Variants in PRKG1 observed in about 807,000 individuals in gnomAD.
PRKG1 encodes cGMP-dependent protein kinase 1.
Under a neutral mutation model 88.1 loss-of-function variants are expected in PRKG1, and 35 were observed. That is an observed-to-expected ratio of 0.40 (90% confidence interval 0.30 to 0.53). The LOEUF is 0.53. Ranked by LOEUF, PRKG1 falls within the 20% of genes least tolerant of loss-of-function variation. The pLI is 0.59. For synonymous variants in PRKG1, 303 were observed against 292.5 expected (o/e 1.04, Z -0.37); for missense variants, 540 against 839.8 (o/e 0.64, Z 4.41).
At position 52,029,381 on chromosome 10, in the gene PRKG1, A is replaced by G. The variant is rs139481090; in HGVS notation, c.763-25103A>G. Among the ~76,000 whole-genome samples, 539 of 152,238 alleles carry G rather than the reference A, an allele frequency of 3.5e-3. 2 individuals carry two copies. Among genetic ancestry groups the G allele is most frequent in the African/African-American group, 0.012 (519 of 41,556 alleles). ...ACATGAAAGTGCTATTAGAGAGGAC[A>G]AATCTCTCCACCAAGCTCACAGTAA... On this transcript the variant is annotated intron_variant, in intron 5 of 17. Coordinates refer to ENST00000373980, the MANE Select transcript of PRKG1 (RefSeq NM_006258.4).
chr10:52,093,047 A>G (rs944346212), intron 7 of PRKG1, among the ~76,000 whole-genome samples: 1 of 152,182 alleles, frequency 6.6e-6, no homozygotes, highest in African/African-American at 2.4e-5. Context: ...TCTTTTCAGT[A>G]AAATGGGATG....
intron 2 of PRKG1, among the ~76,000 whole-genome samples, chr10:51,334,187 T>TCTCTCTCTCC (rs1841815320): frequency 1.0e-5 from 1 of 99,414 alleles, no homozygotes; most frequent in Non-Finnish European, 2.4e-5. Context: ...TCTCTCTCTC[T>TCTCTCTCTCC]CTCTCACTCA....
chr10:51,508,124 A>G (rs938918261), intron 3 of PRKG1, among the ~76,000 whole-genome samples: 40 of 152,146 alleles, frequency 2.6e-4, no homozygotes, highest in African/African-American at 9.7e-4. Context: ...TGACTTATAG[A>G]TACCCCATAG....
intron 3 of PRKG1, among the ~76,000 whole-genome samples, chr10:51,622,916 G>C (rs1046743338): frequency 1.3e-5 from 2 of 152,152 alleles, no homozygotes; most frequent in African/African-American, 4.8e-5. Flanking sequence ...ACGAGAAAAT[G>C]AAATGTTTTC....
chr10:51,929,346 CTTTTTTTTTT>C (rs67175480), intron 5 of PRKG1, among the ~76,000 whole-genome samples: 6 of 109,708 alleles, frequency 5.5e-5, no homozygotes, highest in African/African-American at 2.0e-4. Context: ...GAATTCCTTC[CTTTTTTTTTT>C]TTTTTTTTTT....
intron 9 of PRKG1, among the ~76,000 whole-genome samples, chr10:52,177,608 G>A (rs1425000472): frequency 6.6e-6 from 1 of 152,050 alleles, no homozygotes; most frequent in Non-Finnish European, 1.5e-5. Context: ...GTGGAATTCA[G>A]TGATAAAGCC....
intron 3 of PRKG1, among the ~76,000 whole-genome samples, chr10:51,554,254 A>G (rs1837244512): frequency 6.9e-6 from 1 of 145,020 alleles, no homozygotes; most frequent in Non-Finnish European, 1.5e-5. Flanking sequence ...TATATTATAC[A>G]TATATCTTAG....
At chr10:52,140,185 C>T (rs1349494496) in intron 8 of PRKG1, among the ~76,000 whole-genome samples, 5 of 152,152 alleles carry the variant, frequency 3.3e-5, no homozygotes, top group Non-Finnish European at 5.9e-5. Flanking sequence ...TTTCTTGACC[C>T]CTGACTTAAA....
chr10:51,694,273 T>C (rs1442499294), intron 3 of PRKG1, among the ~76,000 whole-genome samples: 2 of 152,124 alleles, frequency 1.3e-5, no homozygotes, highest in Non-Finnish European at 1.5e-5. Context: ...TGACACACCA[T>C]AGGAAATTAT....
intron 2 of PRKG1, chr10:51,299,550 A>T: frequency 2.1e-6 from 1 of 470,632 alleles, no homozygotes. Context: ...TAGAACTTTC[A>T]CAGCCTGTAA....
intron 1 of PRKG1, among the ~76,000 whole-genome samples, chr10:51,007,002 G>A (rs910908521): frequency 2.0e-4 from 30 of 147,710 alleles, no homozygotes; most frequent in Non-Finnish European, 3.6e-4. Context: ...GCAGTGGTAC[G>A]ATCTCAGCTC....
intron 4 of PRKG1, among the ~76,000 whole-genome samples, chr10:51,805,775 T>C (rs1019041249): frequency 2.6e-5 from 4 of 152,150 alleles, no homozygotes; most frequent in Admixed American, 6.6e-5. Flanking sequence ...TCATCTTTTA[T>C]ACATTTTTAT....
At chr10:51,737,740 AATTATTATTATTATTATT>A (rs200144590) in intron 3 of PRKG1, among the ~76,000 whole-genome samples, 7 of 133,434 alleles carry the variant, frequency 5.2e-5, no homozygotes, top group South Asian at 2.4e-4. Flanking sequence ...TTTATTTATT[AATTATTATTATTATTATT>A]ATTATTATTA....
intron 4 of PRKG1, among the ~76,000 whole-genome samples, chr10:51,858,009 T>C (rs969542935): frequency 2.1e-5 from 3 of 144,026 alleles, no homozygotes; most frequent in Non-Finnish European, 3.0e-5. Flanking sequence ...GAAGCCTGTG[T>C]GTCTTTAAAG....
intron 1 of PRKG1, among the ~76,000 whole-genome samples, chr10:51,113,747 A>AC: frequency 2.5e-5 from 1 of 40,680 alleles, no homozygotes; most frequent in Non-Finnish European, 8.4e-5. Context: ...AAAAAAAAAA[A>AC]AACTAAAAGA....
intron 5 of PRKG1, among the ~76,000 whole-genome samples, chr10:52,037,714 G>C (rs963131909): frequency 3.9e-5 from 6 of 152,210 alleles, no homozygotes; most frequent in African/African-American, 1.2e-4. Context: ...GAACGAAACT[G>C]TAAGCCAGAC....
At chr10:52,026,946 C>T (rs1042787237) in intron 5 of PRKG1, among the ~76,000 whole-genome samples, 5 of 152,130 alleles carry the variant, frequency 3.3e-5, no homozygotes, top group African/African-American at 7.2e-5. Flanking sequence ...CACTGCACTC[C>T]AGCCTGGGCG....
intron 5 of PRKG1, among the ~76,000 whole-genome samples, chr10:51,939,352 G>A (rs1050284654): frequency 5.9e-5 from 9 of 151,824 alleles, no homozygotes; most frequent in African/African-American, 2.2e-4. Context: ...GATTGGTACT[G>A]GATCCTATTT....
upstream of PRKG1, among the ~76,000 whole-genome samples, chr10:51,073,470 AT>A (rs1843865804): frequency 1.3e-5 from 2 of 152,064 alleles, no homozygotes; most frequent in African/African-American, 4.8e-5. Context: ...CTCGGGAATG[AT>A]TTTTAACCCC....
Sources: allele counts gnomAD v4.1 joint callset (sites outside exome capture counted in the v4.1 genomes callset), GRCh38; gene constraint gnomAD v4.1.1; transcripts MANE v1.5; gene names NCBI Gene and HGNC (gene_info 2026-07-23, HGNC 2026-07-21).